The following MECOM variants were observed in gnomAD, a reference collection of about 807,000 sequenced individuals.
MECOM encodes the protein MDS1 and EVI1 complex locus.
In MECOM, 13 loss-of-function variants were observed where a neutral mutation model predicts 116.3. That is an observed-to-expected ratio of 0.11 (90% CI 0.07 to 0.18). MECOM has a LOEUF of 0.18. Among genes scored for constraint, MECOM ranks in the 10% least tolerant of loss-of-function variants. The pLI, the probability that MECOM is intolerant of heterozygous loss-of-function variation, is 1.00. For synonymous variants in MECOM, 528 were observed against 535.2 expected, an observed-to-expected ratio of 0.99 and a Z score of 0.19; for missense variants, 1,299 against 1,509.0, an observed-to-expected ratio of 0.86 and a Z score of 2.31.
At chr3:169,574,695 A>C (rs1302967988) in intron 1 of MECOM, among the ~76,000 whole-genome samples, 4 of 152,226 alleles carry the variant, frequency 2.6e-5, no homozygotes, top group African/African-American at 9.7e-5. Context: ...TTTAAGTATC[A>C]TCTGATATTC....
intron 1 of MECOM, among the ~76,000 whole-genome samples, chr3:169,413,404 G>A (rs749173329): frequency 4.6e-5 from 7 of 152,016 alleles, no homozygotes; most frequent in South Asian, 2.1e-4. Flanking sequence ...AAGTGCCCTC[G>A]GTATCAAGCA....
intron 2 of MECOM, among the ~76,000 whole-genome samples, chr3:169,202,870 G>A (rs930800208): frequency 2.7e-5 from 4 of 149,752 alleles, no homozygotes; most frequent in Non-Finnish European, 4.4e-5. Flanking sequence ...AACTTTCTGG[G>A]AATCAAAATC....
chr3:169,445,030 G>T (rs946883958), intron 1 of MECOM, among the ~76,000 whole-genome samples: 2 of 152,174 alleles, frequency 1.3e-5, no homozygotes, highest in African/African-American at 4.8e-5. Flanking sequence ...GCATTCAAGA[G>T]GTGACTTGGG....
At chr3:169,119,640 A>C (rs754710187) in intron 7 of MECOM, among the ~76,000 whole-genome samples, 1 of 152,216 alleles carries the variant, frequency 6.6e-6, no homozygotes, top group Non-Finnish European at 1.5e-5. Flanking sequence ...AAACATAATA[A>C]AACTTACCAA....
intron 2 of MECOM, chr3:169,145,532 A>G: frequency 8.8e-6 from 2 of 227,448 alleles, no homozygotes; most frequent in East Asian, 1.3e-4. Context: ...GGCAAAAAAA[A>G]GAAAAAAAAG....
chr3:169,516,236 ACT>A (rs1416849537), intron 1 of MECOM, among the ~76,000 whole-genome samples: 1 of 152,174 alleles, frequency 6.6e-6, no homozygotes, highest in Non-Finnish European at 1.5e-5. Flanking sequence ...TGTTTAGGAG[ACT>A]CTGAGTAAGA....
At chr3:169,120,149 T>G (rs1462290522) in intron 7 of MECOM, among the ~76,000 whole-genome samples, 1 of 152,206 alleles carries the variant, frequency 6.6e-6, no homozygotes, top group Non-Finnish European at 1.5e-5. Flanking sequence ...AAATCAGTCT[T>G]GACGTTTGTA....
chr3:169,536,831 A>T (rs1377434495), intron 1 of MECOM, among the ~76,000 whole-genome samples: 3 of 152,174 alleles, frequency 2.0e-5, no homozygotes, highest in Admixed American at 2.0e-4. Flanking sequence ...TGACTACCTT[A>T]TACAGGAACT....
intron 1 of MECOM, among the ~76,000 whole-genome samples, chr3:169,516,528 C>T (rs1240914990): frequency 6.6e-6 from 1 of 151,896 alleles, no homozygotes; most frequent in Non-Finnish European, 1.5e-5. Flanking sequence ...CATCTATAGA[C>T]CATTTACTAC....
chr3:169,270,494 G>T (rs1758814816), intron 2 of MECOM, among the ~76,000 whole-genome samples: 1 of 151,826 alleles, frequency 6.6e-6, no homozygotes, highest in Non-Finnish European at 1.5e-5. Context: ...ATTAAACTCA[G>T]TGCAGGTAAA....
At chr3:169,536,486 G>A (rs533489941) in intron 1 of MECOM, among the ~76,000 whole-genome samples, 8 of 150,536 alleles carry the variant, frequency 5.3e-5, no homozygotes, top group African/African-American at 2.0e-4. Flanking sequence ...CAGACCCTGA[G>A]ACTGAATCCT....
chr3:169,270,946 T>G (rs796779594), intron 2 of MECOM, among the ~76,000 whole-genome samples: 7 of 152,328 alleles, frequency 4.6e-5, no homozygotes, highest in African/African-American at 1.7e-4. Flanking sequence ...TTTGTAATAC[T>G]GCTTTTATGT....
At chr3:169,161,578 G>C (rs747166391) in intron 2 of MECOM, among the ~76,000 whole-genome samples, 12 of 152,142 alleles carry the variant, frequency 7.9e-5, no homozygotes, top group Non-Finnish European at 1.5e-4. Flanking sequence ...ATGGTAAAGA[G>C]AGAAGATAAA....
At chr3:169,137,102 C>T (rs1380793094) in intron 3 of MECOM, among the ~76,000 whole-genome samples, 1 of 152,050 alleles carries the variant, frequency 6.6e-6, no homozygotes, top group Non-Finnish European at 1.5e-5. Flanking sequence ...AACATTTGGC[C>T]TAAATGCTTT....
chr3:169,559,865 G>T (rs1236443536), intron 1 of MECOM, among the ~76,000 whole-genome samples: 1 of 152,122 alleles, frequency 6.6e-6, no homozygotes, highest in Non-Finnish European at 1.5e-5. Context: ...TGCTTTCTGA[G>T]TTCTAATTAA....
At chr3:169,263,129 GT>G (rs1220362498) in intron 2 of MECOM, among the ~76,000 whole-genome samples, 855 of 26,268 alleles carry the variant, frequency 0.033, 63 homozygotes, top group African/African-American at 0.093. Context: ...ATATATATAT[GT>G]TTTTTTTTTT....
At chr3:169,113,344 A>G (rs1194990121) in intron 8 of MECOM, among the ~76,000 whole-genome samples, 1 of 150,488 alleles carries the variant, frequency 6.6e-6, no homozygotes, top group African/African-American at 2.5e-5. Context: ...AAGCATATAC[A>G]CTGCTAGCCA....
rs36126305 is a variant in MECOM at position 169,091,996 on chromosome 3, C to T, written c.3164+962G>A. Among the ~76,000 whole-genome samples, 369 of 152,006 alleles carry T rather than the reference C, an allele frequency of 2.4e-3. 3 individuals carry two copies. The highest frequency in any genetic ancestry group is 4.8e-3 in the Admixed American group (73 of 15,248). On this transcript the variant is annotated intron_variant, in intron 14 of 16. Coordinates refer to ENST00000651503, the MANE Select transcript of MECOM (RefSeq NM_004991.4). ...TGAATTTAATAGGTCACTATATAGT[C>T]GTGTTCAGAAAAGTCTACTTCTCAA...
At chr3:169,296,893 G>T (rs1715712603) in intron 2 of MECOM, among the ~76,000 whole-genome samples, 3 of 152,150 alleles carry the variant, frequency 2.0e-5, no homozygotes, top group Admixed American at 2.0e-4. Flanking sequence ...CACCCCAGAG[G>T]TGTAAACTAT....
Sources: gnomAD v4.1 joint callset for allele counts (sites outside exome capture counted in the v4.1 genomes callset) on GRCh38, gnomAD v4.1.1 for gene constraint, MANE v1.5 for transcripts, NCBI Gene and HGNC (gene_info 2026-07-23, HGNC 2026-07-21) for gene names.